The following ZNF131 variants were observed in gnomAD, a reference collection of about 807,000 sequenced individuals.
ZNF131 encodes zinc finger and BTB domain containing 35.
In ZNF131, 7 loss-of-function variants were observed where a neutral mutation model predicts 60.0. The observed-to-expected ratio is 0.12, with a 90% CI of 0.07 to 0.22. The LOEUF is 0.22. ZNF131 is among the 10% of genes least tolerant of loss of function. The pLI, the probability that ZNF131 is intolerant of heterozygous loss-of-function variation, is 1.00. For missense variants in ZNF131, 493 were observed against 740.9 expected, an observed-to-expected ratio of 0.67 and a Z score of 3.88; for synonymous variants, 257 against 253.2, an observed-to-expected ratio of 1.01 and a Z score of -0.14.
In ZNF131 at chr5:43,161,427, A is replaced by G; in HGVS notation, c.550A>G (p.Ile184Val). 3.1e-6 allele frequency: 5 copies of G among 1,614,268 alleles called. No individual in the cohort carries two copies. Among genetic ancestry groups the G allele is most frequent in the Admixed American group, 3.3e-5 (2 of 60,034 alleles). Residue 184 changes from isoleucine to valine, a missense_variant, in exon 5 of 7, where the codon ATC (isoleucine) becomes GTC (valine). Ile to Val is a conservative substitution (Grantham distance 29). This residue lies in a region of ZNF131 where 138 missense variants were observed against 158.7 expected (regional missense o/e 0.87). Transcript: ENST00000682664. Reference protein sequence around the residue: ...EGTIEVEDEGIETLEEVASAK... With the variant: ...EGTIEVEDEGVETLEEVASAK... ...CACCATTGAAGTGGAAGATGAAGGC[A>G]TCGAAACATTAGAGGAAGTGGCTTC...
intron 5 of ZNF131, among the ~76,000 whole-genome samples, chr5:43,168,806 TGA>T (rs1750649441): frequency 6.6e-6 from 1 of 152,118 alleles, no homozygotes; most frequent in African/African-American, 2.4e-5. Context: ...AAGAGAGATT[TGA>T]GTAACATTAG....
chr5:43,155,971 T>C (rs1004510048), intron 4 of ZNF131, among the ~76,000 whole-genome samples: 1 of 152,170 alleles, frequency 6.6e-6, no homozygotes, highest in Admixed American at 6.5e-5. Flanking sequence ...CATCAGAAGA[T>C]AGAGACACTG....
rs6881357 is a variant in ZNF131 at position 43,139,994 on chromosome 5, T to C, written c.371+685T>C. 5.2e-3 allele frequency among the ~76,000 whole-genome samples: 799 copies of C among 152,204 alleles called. 3 individuals are homozygous for C. Among genetic ancestry groups the C allele is most frequent in the African/African-American group, 0.018 (768 of 41,536 alleles). On this transcript the variant is annotated intron_variant, in intron 4 of 6. Transcript: ENST00000682664. ...ACTTTGGAAGGCTGAGGTGGATGGA[T>C]AGCTTATGCCCAGGAGTTCACAAAC...
At chr5:43,144,386 G>A (rs1021145972) in intron 4 of ZNF131, among the ~76,000 whole-genome samples, 7 of 150,978 alleles carry the variant, frequency 4.6e-5, no homozygotes, top group African/African-American at 9.8e-5. Context: ...TCACCACCAC[G>A]CCCAACTAAT....
intron 4 of ZNF131, among the ~76,000 whole-genome samples, chr5:43,145,939 A>G (rs893099537): frequency 6.6e-6 from 1 of 152,204 alleles, no homozygotes; most frequent in Non-Finnish European, 1.5e-5. Flanking sequence ...CCTTAAGCGG[A>G]AAGTTATGGT....
chr5:43,155,299 G>A (rs927224427), intron 4 of ZNF131, among the ~76,000 whole-genome samples: 1 of 152,144 alleles, frequency 6.6e-6, no homozygotes, highest in African/African-American at 2.4e-5. Flanking sequence ...CCCCCAAATG[G>A]GAATATCAGA....
intron 4 of ZNF131, among the ~76,000 whole-genome samples, chr5:43,160,623 A>G (rs895559698): frequency 1.5e-4 from 21 of 143,052 alleles, no homozygotes; most frequent in African/African-American, 5.2e-4. Context: ...GTTGAGGCTT[A>G]TTTTTCCCAT....
intron 4 of ZNF131, among the ~76,000 whole-genome samples, chr5:43,152,522 C>T (rs1308705896): frequency 6.6e-6 from 1 of 152,142 alleles, no homozygotes; most frequent in African/African-American, 2.4e-5. Flanking sequence ...TTTAAAAATG[C>T]TTATAGCCAT....
chr5:43,121,613 G>A (rs1469204241), intron 1 of ZNF131: 2 of 154,376 alleles, frequency 1.3e-5, no homozygotes, highest in African/African-American at 4.8e-5. Flanking sequence ...GGGAGGGCGG[G>A]GGAGGGAGAG....
At chr5:43,142,715 A>G (rs1025208514) in intron 4 of ZNF131, among the ~76,000 whole-genome samples, 1 of 148,338 alleles carries the variant, frequency 6.7e-6, no homozygotes, top group Non-Finnish European at 1.5e-5. Flanking sequence ...TTTTTGAGAC[A>G]GGGTCTTGCT....
Position 43,174,674 on chromosome 5 carries a change from T to C in ZNF131, c.1413T>C (p.Ile471=), listed in dbSNP as rs879039088. The C allele has an allele frequency of 6.2e-7, 1 of 1,614,058 alleles. No homozygotes were observed. Among genetic ancestry groups the C allele is most frequent in the African/African-American group, 1.3e-5 (1 of 74,918 alleles). ...CTGAACCTGTAACATCAATGACTAT[T>C]ATAGAACAAGTTGGGAAGGTGCATG... is the stretch of plus-strand genomic sequence containing the variant. The part of the protein sequence containing the change: ...VQTEPVTSMT[I]IEQVGKVHVL... Residue 471 remains isoleucine (I), a synonymous_variant, in exon 7 of 7, where the codon ATT becomes ATC. Coordinates refer to ENST00000682664, the MANE Select transcript of ZNF131 (RefSeq NM_001330707.2).
chr5:43,171,739 C>G (rs1006782362), intron 5 of ZNF131, among the ~76,000 whole-genome samples: 1 of 152,164 alleles, frequency 6.6e-6, no homozygotes, highest in East Asian at 1.9e-4. Flanking sequence ...TCTGTCTCAG[C>G]CTCCCAGGTA....
rs70991484 is a variant in ZNF131 at position 43,136,476 on chromosome 5, C to CTTTTT, written c.227-2663_227-2659dup. Among the ~76,000 whole-genome samples, 139 of 70,050 alleles carry CTTTTT rather than the reference C, an allele frequency of 2.0e-3. 20 individuals are homozygous for CTTTTT. The highest frequency in any genetic ancestry group is 3.0e-3 in the South Asian group (5 of 1,680). The allele number at this position is 70,050 out of a possible 152,430, so 46.0% of individuals were successfully genotyped here. A position where few individuals can be genotyped will look rare whatever the true frequency, so the allele number is the denominator to read the frequency against. On this transcript the variant is annotated intron_variant, in intron 3 of 6. Coordinates refer to ENST00000682664, the MANE Select transcript of ZNF131 (RefSeq NM_001330707.2). ...AAAGAACAAAGCTAGAGGCATCATA[C>CTTTTT]TTTTTTTTTTTTTTTTTTTTTTTTT...
At chr5:43,162,005 A>T (rs1274898672) in intron 5 of ZNF131, 74 bp downstream of exon 5, 38 of 1,388,468 alleles carry the variant, frequency 2.7e-5, no homozygotes, top group Non-Finnish European at 3.4e-5. Context: ...AATCCTTTTT[A>T]AAAAAATAGT....
chr5:43,161,937 G>T lies in ZNF131; in HGVS notation c.1054+6G>T. 3 of 1,552,962 alleles carry T rather than the reference G, an allele frequency of 1.9e-6. No homozygotes were observed. In the South Asian group the frequency reaches 3.6e-5, roughly 19 times the overall value. ...ACATCTTCGAAAACATACAGGTAATGAGCAAATACTTTGTTAAAATTTTTT... is the reference window on the plus strand; with the variant it reads ...ACATCTTCGAAAACATACAGGTAATTAGCAAATACTTTGTTAAAATTTTTT... On this transcript the variant is annotated splice_donor_region_variant and intron_variant, in intron 5 of 6. Transcript: ENST00000682664.
At position 43,166,821 on chromosome 5, in the gene ZNF131, A is replaced by AT. The variant is rs545368611; in HGVS notation, c.1054+4899dup. Among the ~76,000 whole-genome samples the AT allele has an allele frequency of 4.9e-3, 728 of 149,018 alleles. 4 individuals are homozygous for AT. Among genetic ancestry groups the AT allele is most frequent in the African/African-American group, 0.017 (696 of 40,272 alleles). ...AGGCACCCAACACCAGGCCTGGCTG[A>AT]TTTTTTTTTGTATTTTTTAGTAGAG... is the stretch of plus-strand genomic sequence containing the variant. On this transcript the variant is annotated intron_variant, in intron 5 of 6. Transcript: ENST00000682664.
chr5:43,148,021 T>G (rs1180312351), intron 4 of ZNF131, among the ~76,000 whole-genome samples: 1 of 144,876 alleles, frequency 6.9e-6, no homozygotes, highest in African/African-American at 2.6e-5. Flanking sequence ...GCCATTGTAC[T>G]CCAGCCTGAG....
intron 4 of ZNF131, among the ~76,000 whole-genome samples, chr5:43,154,167 T>G (rs1171997677): frequency 6.6e-6 from 1 of 152,028 alleles, no homozygotes; most frequent in Admixed American, 6.6e-5. Flanking sequence ...ATCCCAGCAT[T>G]TTGGGAGGCT....
intron 3 of ZNF131, among the ~76,000 whole-genome samples, chr5:43,127,535 A>G (rs1359241055): frequency 6.6e-6 from 1 of 152,242 alleles, no homozygotes; most frequent in Admixed American, 6.5e-5. Flanking sequence ...GTGTGCAGTC[A>G]ATGTTGAGGA....
Sources: gnomAD v4.1 joint callset for allele counts (sites outside exome capture counted in the v4.1 genomes callset) on GRCh38, gnomAD v4.1.1 for gene constraint, gnomAD v4.1.1 regional missense constraint, MANE v1.5 for transcripts, NCBI Gene and HGNC (gene_info 2026-07-23, HGNC 2026-07-21) for gene names.